ANKRD30A: variants seen among roughly 807,000 people sequenced by gnomAD.
ANKRD30A encodes the protein ankyrin repeat domain-containing protein 30A.
In ANKRD30A, 170 loss-of-function variants were observed where a neutral mutation model predicts 166.3. That is an observed-to-expected ratio of 1.02 (90% CI 0.90 to 1.16). The LOEUF is 1.16. Among genes scored for constraint, ANKRD30A ranks in the 50% most tolerant of loss-of-function variants. ANKRD30A has a pLI of 0.00. For synonymous variants in ANKRD30A, 564 were observed against 508.9 expected (o/e 1.11, Z -1.46); for missense variants, 1,630 against 1,518.0 (o/e 1.07, Z -1.23).
chr10:37,126,938 T>G (rs1836059133), intron 1 of ANKRD30A, among the ~76,000 whole-genome samples: 1 of 149,826 alleles, frequency 6.7e-6, no homozygotes, highest in Non-Finnish European at 1.5e-5. Context: ...TCCCAGCTAC[T>G]GGGGAGGCTG....
chr10:37,257,319 C>T, the ANKRD30A span, among the ~76,000 whole-genome samples: 1 of 143,176 alleles, frequency 7.0e-6, no homozygotes, highest in African/African-American at 2.5e-5. Flanking sequence ...TGGTCCATCT[C>T]TTTTGTTAAT....
At chr10:37,131,144 T>C (rs1836357081) in intron 3 of ANKRD30A, among the ~76,000 whole-genome samples, 1 of 121,300 alleles carries the variant, frequency 8.2e-6, no homozygotes, top group East Asian at 2.5e-4. Flanking sequence ...ATTTGAAAGG[T>C]TATGCATGTT....
chr10:37,241,813 T>C, the ANKRD30A span: 1 of 152,202 alleles, frequency 6.6e-6, no homozygotes. Context: ...ACTTACTTAT[T>C]TATTTTTTGG....
chr10:37,141,950 A>G lies in ANKRD30A; in HGVS notation c.1053A>G (p.Glu351=), dbSNP rs1208946068. 6 of 1,614,108 alleles carry G rather than the reference A, an allele frequency of 3.7e-6. No individual in the cohort carries two copies. The highest frequency in any genetic ancestry group is 5.1e-6 in the Non-Finnish European group (6 of 1,180,054). The change falls in exon 7 of 36, where the codon GAA becomes GAG. Residue 351 remains glutamate, a synonymous_variant. Coordinates refer to ENST00000361713, the MANE Select transcript of ANKRD30A (RefSeq NM_052997.3). ...AGAAAGCGACATCTGGAAAGTTCGA[A>G]CAGTCAGCAGAAGAAACACCTAGGG... is the stretch of plus-strand genomic sequence containing the variant. The part of the protein sequence containing the change: ...CLEKATSGKF[E]QSAEETPREI...
At chr10:37,148,257 A>G (rs1318452417) in intron 9 of ANKRD30A, among the ~76,000 whole-genome samples, 1 of 152,088 alleles carries the variant, frequency 6.6e-6, no homozygotes. Context: ...CAATTGGATA[A>G]AAGGATAAGA....
At position 37,158,319 on chromosome 10, in the gene ANKRD30A, C is replaced by G. The variant is rs547625810; in HGVS notation, c.1799-73C>G. 76 of 1,535,412 alleles carry G rather than the reference C, an allele frequency of 4.9e-5. 1 individual carries two copies. The highest frequency in any genetic ancestry group is 3.4e-4 in the African/African-American group (25 of 72,746). On this transcript the variant is annotated intron_variant, in intron 13 of 35. Transcript: ENST00000361713. ...AAGCATGAGGATTCATCTTCATGTT[C>G]ACACTGTGTGAATGTTCGGTAGGCT...
At chr10:37,160,552 C>A (rs1036213167) in intron 15 of ANKRD30A, among the ~76,000 whole-genome samples, 1 of 152,040 alleles carries the variant, frequency 6.6e-6, no homozygotes, top group East Asian at 1.9e-4. Flanking sequence ...AACAAATGGG[C>A]TCTTGTATAT....
In ANKRD30A at chr10:37,195,289, A is replaced by C. The variant is rs192763988; in HGVS notation, c.2615-1992A>C. ...AAGATATAAATCAAACAAAATCAAA[A>C]TTTTGTTTATAATGAAAAGAGTTGG... On this transcript the variant is annotated intron_variant, in intron 27 of 35. Transcript: ENST00000361713. Among the ~76,000 whole-genome samples, 469 of 152,226 alleles carry C rather than the reference A, an allele frequency of 3.1e-3. 4 individuals carry two copies. Among genetic ancestry groups the C allele is most frequent in the African/African-American group, 0.01 (431 of 41,526 alleles).
chr10:37,160,974 C>G (rs1337407309), intron 15 of ANKRD30A, among the ~76,000 whole-genome samples: 24 of 152,112 alleles, frequency 1.6e-4, no homozygotes, highest in Admixed American at 1.4e-3. Flanking sequence ...AAAATGGTGA[C>G]TGGGTGCGGT....
At chr10:37,162,583 G>A (rs375532925) in intron 15 of ANKRD30A, 66 bp from the exon 16 acceptor site, 44 of 1,584,622 alleles carry the variant, frequency 2.8e-5, no homozygotes, top group Admixed American at 2.2e-4. Flanking sequence ...TACTATCACG[G>A]CATTCATTTG....
In ANKRD30A at chr10:37,231,521, C is replaced by A; in HGVS notation, c.*52C>A. 1 of 1,507,376 alleles carries A rather than the reference C, an allele frequency of 6.6e-7. No homozygotes were observed. The highest frequency in any genetic ancestry group is 1.3e-5 in the South Asian group (1 of 77,688). 93.4% of individuals were successfully genotyped at this position (1,507,376 alleles called of 1,614,324 possible). On this transcript the variant is annotated 3_prime_UTR_variant, in exon 35 of 36. Coordinates refer to ENST00000361713, the MANE Select transcript of ANKRD30A (RefSeq NM_052997.3). ...GGAGAAACAACAGACCAGATCTTTA[C>A]TCACAACTCATGCTAGGAGGCCAGT...
chr10:37,190,537 C>T (rs542561594), intron 25 of ANKRD30A, among the ~76,000 whole-genome samples: 3 of 151,534 alleles, frequency 2.0e-5, no homozygotes, highest in East Asian at 1.9e-4. Flanking sequence ...TAACAGGTGT[C>T]GAATGGGAAG....
At chr10:37,136,487 T>A in intron 5 of ANKRD30A, 120 bp from the exon 6 acceptor site, 6 of 499,086 alleles carry the variant, frequency 1.2e-5, no homozygotes, top group Middle Eastern at 4.4e-4. Flanking sequence ...GAATAAGTAA[T>A]GTTCTGATGT....
intron 34 of ANKRD30A, among the ~76,000 whole-genome samples, chr10:37,227,232 A>G (rs914555216): frequency 6.6e-6 from 1 of 151,978 alleles, no homozygotes; most frequent in African/African-American, 2.4e-5. Flanking sequence ...ACAAAGATTT[A>G]TTCCTGTCTT....
chr10:37,159,744 G>A (rs1049162026), intron 15 of ANKRD30A, among the ~76,000 whole-genome samples: 13 of 151,954 alleles, frequency 8.6e-5, no homozygotes, highest in African/African-American at 3.1e-4. Context: ...CACCCAGGCT[G>A]GAGTGCCATG....
intron 5 of ANKRD30A, among the ~76,000 whole-genome samples, chr10:37,136,351 C>A (rs1277752521): frequency 6.6e-6 from 1 of 152,072 alleles, no homozygotes; most frequent in Non-Finnish European, 1.5e-5. Flanking sequence ...TTCCATTAAG[C>A]CAAGCTAACT....
Position 37,142,030 on chromosome 10 carries a change from G to C in ANKRD30A, c.1133G>C (p.Gly378Ala), listed in dbSNP as rs769743263. ...TSEKFTWPAKGRPRKIAWEKK... is the reference protein window; with the variant it reads ...TSEKFTWPAKARPRKIAWEKK... ...GAGAAATTTACGTGGCCAGCAAAAG[G>C]AAGACCTAGGAAGATCGCATGGGAG... Residue 378 changes from glycine to alanine, a missense_variant, in exon 7 of 36, where the codon GGA (glycine) becomes GCA (alanine). Coordinates refer to ENST00000361713, the MANE Select transcript of ANKRD30A (RefSeq NM_052997.3). 9.3e-6 allele frequency: 15 copies of C among 1,604,844 alleles called. No homozygotes were observed. The highest frequency in any genetic ancestry group is 1.3e-5 in the Non-Finnish European group (15 of 1,176,526).
chr10:37,136,234 T>C (rs1397811544), intron 5 of ANKRD30A, among the ~76,000 whole-genome samples: 12 of 152,328 alleles, frequency 7.9e-5, no homozygotes, highest in African/African-American at 2.6e-4. Context: ...GAAATAGGGC[T>C]CTAAAATCCT....
At position 37,218,415 on chromosome 10, in the gene ANKRD30A, C is replaced by A. The variant is rs540091331; in HGVS notation, c.3267+537C>A. The stretch of plus-strand genomic sequence containing the variant: ...CCTACAACTTGTTTATATTTTTAAT[C>A]TTTTCCTTTCAGAATTGTGATAACT... On this transcript the variant is annotated intron_variant, in intron 33 of 35. Coordinates refer to ENST00000361713, the MANE Select transcript of ANKRD30A (RefSeq NM_052997.3). Among the ~76,000 whole-genome samples, 4 of 150,990 alleles carry A rather than the reference C, an allele frequency of 2.6e-5. No individual in the cohort carries two copies. The South Asian group carries it at 8.3e-4, about 31-fold the overall frequency.
Sources: allele counts gnomAD v4.1 joint callset (sites outside exome capture counted in the v4.1 genomes callset), GRCh38; gene constraint gnomAD v4.1.1; transcripts MANE v1.5; gene names NCBI Gene and HGNC (gene_info 2026-07-23, HGNC 2026-07-21).